The following RORB variants were observed in gnomAD, a reference collection of about 807,000 sequenced individuals.
RORB encodes RAR related orphan receptor B.
Under a neutral mutation model 59.1 loss-of-function variants are expected in RORB, and 6 were observed. The observed-to-expected ratio is 0.10, with a 90% confidence interval of 0.06 to 0.20. RORB has a LOEUF of 0.20. Ranked by LOEUF, RORB falls within the 10% of genes least tolerant of loss-of-function variation. RORB has a pLI of 1.00. For synonymous variants in RORB, 215 were observed against 204.5 expected, an observed-to-expected ratio of 1.05 and a Z score of -0.44; for missense variants, 320 against 560.5, an observed-to-expected ratio of 0.57 and a Z score of 4.33.
intron 1 of RORB, among the ~76,000 whole-genome samples, chr9:74,574,917 C>T (rs771712160): frequency 1.3e-5 from 2 of 152,124 alleles, no homozygotes; most frequent in Non-Finnish European, 2.9e-5. Context: ...AATCACACTG[C>T]TCAGTGGTAA....
intron 1 of RORB, among the ~76,000 whole-genome samples, chr9:74,560,933 T>G (rs1393030831): frequency 1.3e-5 from 2 of 152,158 alleles, no homozygotes; most frequent in Non-Finnish European, 2.9e-5. Flanking sequence ...TTATCAGGAT[T>G]AAGCCTTGAA....
At position 74,524,063 on chromosome 9, in the gene RORB, G is replaced by A. The variant is rs75324887; in HGVS notation, c.7+26080G>A. Among the ~76,000 whole-genome samples, 110 of 149,896 alleles carry A rather than the reference G, an allele frequency of 7.3e-4. 1 individual carries two copies. The East Asian group carries it at 0.012, about 17-fold the overall frequency. The stretch of plus-strand genomic sequence containing the variant: ...ACCAAAACCTGTGCTAATTTGGAGG[G>A]AATAAAGAGGAATAAGGTAAATATC... On this transcript the variant is annotated intron_variant, in intron 1 of 9. Transcript: ENST00000376896.
Position 74,613,268 on chromosome 9 carries a change from G to A in RORB, c.8-17014G>A, listed in dbSNP as rs930843967. 2.6e-5 allele frequency among the ~76,000 whole-genome samples: 4 copies of A among 152,146 alleles called. No individual in the cohort carries two copies. The East Asian group carries it at 7.7e-4, about 29-fold the overall frequency. On this transcript the variant is annotated intron_variant, in intron 1 of 9. Transcript: ENST00000376896. Reference sequence around the variant, plus strand: ...TACAATCTGATTTCAGACATGAGTAGCCTGAGGTACAAATAGTTAAGTAAT... The same window carrying A: ...TACAATCTGATTTCAGACATGAGTAACCTGAGGTACAAATAGTTAAGTAAT...
chr9:74,555,615 G>T (rs1822274805), intron 1 of RORB, among the ~76,000 whole-genome samples: 1 of 152,166 alleles, frequency 6.6e-6, no homozygotes, highest in Admixed American at 6.5e-5. Flanking sequence ...TGAGTTTTCA[G>T]AAGTATGCAT....
intron 1 of RORB, 191 bp downstream of exon 1, chr9:74,498,174 T>C (rs933891914): frequency 1.2e-5 from 8 of 672,168 alleles, no homozygotes; most frequent in Non-Finnish European, 2.1e-5. Flanking sequence ...TTGATGTCTT[T>C]CGGGAGTTCT....
intron 4 of RORB, among the ~76,000 whole-genome samples, chr9:74,658,552 T>C (rs930238390): frequency 1.3e-5 from 2 of 152,168 alleles, no homozygotes; most frequent in Admixed American, 1.3e-4. Context: ...ATAGTCTTGT[T>C]TATAAACCCT....
At chr9:74,549,732 ATG>A (rs773076690) in intron 1 of RORB, among the ~76,000 whole-genome samples, 4 of 151,690 alleles carry the variant, frequency 2.6e-5, no homozygotes, top group Admixed American at 6.6e-5. Context: ...TTGTAGGATT[ATG>A]TGTGTGTGTT....
intron 1 of RORB, among the ~76,000 whole-genome samples, chr9:74,526,998 G>A (rs776635010): frequency 2.0e-5 from 3 of 151,826 alleles, no homozygotes; most frequent in Non-Finnish European, 2.9e-5. Context: ...TCCATCAAGT[G>A]CCAATATTAT....
chr9:74,505,071 C>T (rs137868260), intron 1 of RORB, among the ~76,000 whole-genome samples: 1 of 152,004 alleles, frequency 6.6e-6, no homozygotes. Context: ...AAAAAAGAAA[C>T]AGCAAGAGCT....
chr9:74,650,168 T>C (rs1175301120), intron 4 of RORB, among the ~76,000 whole-genome samples: 1 of 152,216 alleles, frequency 6.6e-6, no homozygotes, highest in Non-Finnish European at 1.5e-5. Context: ...ATGTTTCTAC[T>C]TATGAAGTGA....
At chr9:74,667,745 TTTCAAG>T (rs1824290151) in intron 7 of RORB, 40 bp from the exon 8 acceptor site, 2 of 1,199,410 alleles carry the variant, frequency 1.7e-6, no homozygotes, top group Non-Finnish European at 2.5e-6. Flanking sequence ...TCTTGCCCCA[TTTCAAG>T]TTCAAGTATT....
chr9:74,676,218 C>T (rs746091751), intron 9 of RORB, among the ~76,000 whole-genome samples: 2 of 152,134 alleles, frequency 1.3e-5, no homozygotes, highest in African/African-American at 4.8e-5. Flanking sequence ...CAGTCTAGCC[C>T]CTCCTTTTGT....
chr9:74,532,891 T>C (rs976500131), intron 1 of RORB, among the ~76,000 whole-genome samples: 2 of 150,792 alleles, frequency 1.3e-5, no homozygotes, highest in Non-Finnish European at 3.0e-5. Flanking sequence ...TATGTTAGTT[T>C]TTGTTGGGCT....
At chr9:74,633,333 G>A (rs960643913) in intron 2 of RORB, among the ~76,000 whole-genome samples, 3 of 152,158 alleles carry the variant, frequency 2.0e-5, no homozygotes, top group East Asian at 1.9e-4. Flanking sequence ...AGATAGTTGA[G>A]GAAACACAGA....
At chr9:74,678,839 C>CT (rs1484502339) in intron 9 of RORB, among the ~76,000 whole-genome samples, 1 of 151,968 alleles carries the variant, frequency 6.6e-6, no homozygotes, top group African/African-American at 2.4e-5. Flanking sequence ...CAAGACCGGC[C>CT]TGGCCAACAC....
chr9:74,542,094 C>G (rs1178408274), intron 1 of RORB, among the ~76,000 whole-genome samples: 1 of 152,032 alleles, frequency 6.6e-6, no homozygotes, highest in East Asian at 1.9e-4. Context: ...AATGAAACTT[C>G]AATCCAGACT....
chr9:74,667,948 T>C (rs763775632), intron 8 of RORB, 47 bp downstream of exon 8: 16 of 1,189,776 alleles, frequency 1.3e-5, no homozygotes, highest in Non-Finnish European at 1.9e-5. Flanking sequence ...CTTGTTTTAC[T>C]ATTTTTAACA....
intron 9 of RORB, among the ~76,000 whole-genome samples, chr9:74,677,081 G>A (rs953195754): frequency 6.6e-6 from 1 of 152,028 alleles, no homozygotes; most frequent in African/African-American, 2.4e-5. Context: ...GCATTTCCCC[G>A]GATCCCCCAC....
intron 1 of RORB, among the ~76,000 whole-genome samples, chr9:74,527,777 G>A (rs886476809): frequency 6.6e-6 from 1 of 151,958 alleles, no homozygotes; most frequent in Non-Finnish European, 1.5e-5. Context: ...CTTCAAATCT[G>A]TTTTGTCACT....
Sources: gnomAD v4.1 joint callset for allele counts (sites outside exome capture counted in the v4.1 genomes callset) on GRCh38, gnomAD v4.1.1 for gene constraint, MANE v1.5 for transcripts, NCBI Gene and HGNC (gene_info 2026-07-23, HGNC 2026-07-21) for gene names.